SALL3: variants seen among roughly 807,000 people sequenced by gnomAD.
The protein encoded by SALL3 is spalt like transcription factor 3, also known as sal-like protein 3.
Under a neutral mutation model 66.2 loss-of-function variants are expected in SALL3, and 25 were observed. The ratio of observed to expected loss-of-function variants is 0.38; its 90% CI spans 0.28 to 0.53. SALL3 has a LOEUF of 0.53. Among genes scored for constraint, SALL3 ranks in the 20% least tolerant of loss-of-function variants. SALL3 has a pLI of 0.85. For missense variants in SALL3, 2,194 were observed against 1,916.5 expected (o/e 1.14, Z -2.70); for synonymous variants, 1,152 against 899.1 (o/e 1.28, Z -5.03).
At position 78,995,284 on chromosome 18, in the gene SALL3, T is replaced by A; in HGVS notation, c.3293T>A (p.Leu1098Gln). The change falls in exon 2 of 3, where the codon CTG (leucine) becomes CAG (glutamine). Residue 1098 changes from leucine (L) to glutamine (Q), a missense_variant. Leu to Gln is a moderately radical substitution (Grantham distance 113). Coordinates refer to ENST00000537592, the MANE Select transcript of SALL3 (RefSeq NM_171999.4). ...AGPQTVMGPG[L>Q]APMLAPPPRR... ...CCTCAGACAGTGATGGGCCCGGGCC[T>A]GGCGCCCATGCTGGCCCCCCCACCG... The A allele has an allele frequency of 6.3e-7, 1 of 1,583,356 alleles. No homozygotes were observed. The highest frequency in any genetic ancestry group is 8.5e-7 in the Non-Finnish European group (1 of 1,170,114).
intron 1 of SALL3, among the ~76,000 whole-genome samples, chr18:78,985,755 A>G (rs895789050): frequency 6.6e-6 from 1 of 152,116 alleles, no homozygotes; most frequent in Non-Finnish European, 1.5e-5. Flanking sequence ...GGTTTTGCGT[A>G]TTTATTTCTA....
At position 78,994,986 on chromosome 18, in the gene SALL3, C is replaced by T. The variant is rs762571991; in HGVS notation, c.2995C>T (p.His999Tyr). 3.1e-6 allele frequency: 5 copies of T among 1,613,874 alleles called. No homozygotes were observed. Among genetic ancestry groups the T allele is most frequent in the Non-Finnish European group, 2.5e-6 (3 of 1,180,016 alleles). ...CGCGTTGGAAATCCACTACCGCAGCCATACTAAGGAGCGGCCATTCGTCTG... is the reference window on the plus strand; with the variant it reads ...CGCGTTGGAAATCCACTACCGCAGCTATACTAAGGAGCGGCCATTCGTCTG... ...KSALEIHYRS[H>Y]TKERPFVCAL... The change falls in exon 2 of 3, where the codon CAT (histidine) becomes TAT (tyrosine). Residue 999 changes from histidine to tyrosine, a missense_variant. His to Tyr is a moderately conservative substitution (Grantham distance 83, BLOSUM62 2). Transcript: ENST00000537592.
intron 1 of SALL3, among the ~76,000 whole-genome samples, chr18:78,987,277 G>A (rs1034411734): frequency 1.3e-5 from 2 of 152,194 alleles, no homozygotes; most frequent in African/African-American, 2.4e-5. Context: ...AAAGCTGAGC[G>A]AAGACCAAAA....
At chr18:78,991,957 GA>G in intron 1 of SALL3, 116 bp from the exon 2 acceptor site, 1 of 818,772 alleles carries the variant, frequency 1.2e-6, no homozygotes, top group Non-Finnish European at 1.8e-6. Flanking sequence ...TGGGACGTCA[GA>G]AATGTCGAAG....
rs1914504503 is a variant in SALL3 at position 78,992,857 on chromosome 18, C to T, written c.866C>T (p.Ala289Val). The change falls in exon 2 of 3, where the codon GCG becomes GTG. Residue 289 changes from alanine (A) to valine (V), a missense_variant. Coordinates refer to ENST00000537592, the MANE Select transcript of SALL3 (RefSeq NM_171999.4). The part of the protein sequence containing the change: ...GPAAPAAFEG[A>V]QPLSRPESGA... ...GCCGCCCCGGCCGCCTTCGAGGGCG[C>T]GCAGCCGCTGTCCCGGCCCGAGTCT... The T allele has an allele frequency of 2.0e-6, 2 of 982,902 alleles. No individual in the cohort carries two copies. Among genetic ancestry groups the T allele is most frequent in the Middle Eastern group, 5.2e-4 (1 of 1,912 alleles). 60.9% of individuals were successfully genotyped at this position (982,902 alleles called of 1,614,324 possible). A position where few individuals can be genotyped will look rare whatever the true frequency, so the allele number is the denominator to read the frequency against.
At position 78,994,850 on chromosome 18, in the gene SALL3, C is replaced by T. The variant is rs1382337612; in HGVS notation, c.2859C>T (p.Arg953=). 4 of 1,600,104 alleles carry T rather than the reference C, an allele frequency of 2.5e-6. No homozygotes were observed. Among genetic ancestry groups the T allele is most frequent in the South Asian group, 1.1e-5 (1 of 89,922 alleles). Residue 953 remains arginine (R), a synonymous_variant, in exon 2 of 3, where the codon CGC becomes CGT. Coordinates refer to ENST00000537592, the MANE Select transcript of SALL3 (RefSeq NM_171999.4). ...AAPGSGGAPG[R]AGIKEEAPFS... ...CGGGCAGCGGAGGCGCCCCTGGCCG[C>T]GCGGGCATCAAGGAGGAGGCGCCCT...
Position 78,994,467 on chromosome 18 carries a change from G to T in SALL3, c.2476G>T (p.Ala826Ser), listed in dbSNP as rs1054634614. The T allele has an allele frequency of 2.5e-6, 4 of 1,612,164 alleles. No individual in the cohort carries two copies. The highest frequency in any genetic ancestry group is 3.4e-6 in the Non-Finnish European group (4 of 1,179,504). The change falls in exon 2 of 3, where the codon GCG becomes TCG. Residue 826 changes from alanine (A) to serine (S), a missense_variant. Ala to Ser is a moderately conservative substitution (Grantham distance 99). Transcript: ENST00000537592. ...CCCGGCCAAGCCACTCCTGTCCTAC[G>T]CGGGGTCCTGCCCGCCCTCCCCGCC... ...TDPAKPLLSY[A>S]GSCPPSPPSV...
chr18:78,981,409 T>C (rs954473802), intron 1 of SALL3, among the ~76,000 whole-genome samples: 5 of 152,206 alleles, frequency 3.3e-5, no homozygotes, highest in African/African-American at 1.2e-4. Flanking sequence ...CCAACTTTTA[T>C]GATTGACCTG....
In SALL3 at chr18:78,993,172, T is replaced by G. The variant is rs1914532589; in HGVS notation, c.1181T>G (p.Met394Arg). The change falls in exon 2 of 3, where the codon ATG (methionine) becomes AGG (arginine). Residue 394 changes from methionine (M) to arginine (R), a missense_variant. Met to Arg is a moderately conservative substitution (Grantham distance 91). Transcript: ENST00000537592. The part of the protein sequence containing the change: ...ANALDPLSAL[M>R]KHRKGKPPNV... ...GCTCTGGACCCGCTGTCCGCGCTCA[T>G]GAAGCACCGCAAGGGCAAGCCGCCC... 1 of 1,609,360 alleles carries G rather than the reference T, an allele frequency of 6.2e-7. No individual in the cohort carries two copies. The highest frequency in any genetic ancestry group is 1.1e-5 in the South Asian group (1 of 90,530).
intron 1 of SALL3, among the ~76,000 whole-genome samples, chr18:78,981,483 G>C (rs1287985176): frequency 6.6e-6 from 1 of 152,252 alleles, no homozygotes; most frequent in Non-Finnish European, 1.5e-5. Flanking sequence ...CTGCGAAAAG[G>C]AAACGGGGCG....
chr18:78,986,419 T>G lies in SALL3; in HGVS notation c.83-5655T>G, dbSNP rs1459081893. On this transcript the variant is annotated intron_variant, in intron 1 of 2. Coordinates refer to ENST00000537592, the MANE Select transcript of SALL3 (RefSeq NM_171999.4). ...AGGTCTCGGGAAAAGGACAGAAAATTTTTCTATTGCGTCTGGAATTTCTTC... is the reference window on the plus strand; with the variant it reads ...AGGTCTCGGGAAAAGGACAGAAAATGTTTCTATTGCGTCTGGAATTTCTTC... 2.6e-5 allele frequency among the ~76,000 whole-genome samples: 4 copies of G among 152,138 alleles called. No homozygotes were observed. In the East Asian group the frequency reaches 7.7e-4, roughly 29 times the overall value.
rs774817632 is a variant in SALL3, at chr18:78,994,631, G to A, written c.2640G>A (p.Ser880=). ...GTGACCGCCTGAGCAACGACTCCTC[G>A]TCGGCCGTGGGCGACCTGGAGAGCC... ...GESDRLSNDS[S]SAVGDLESRS... The change falls in exon 2 of 3, where the codon TCG becomes TCA. Residue 880 remains serine (S), a synonymous_variant. Coordinates refer to ENST00000537592, the MANE Select transcript of SALL3 (RefSeq NM_171999.4). 1 of 1,608,750 alleles carries A rather than the reference G, an allele frequency of 6.2e-7. No individual in the cohort carries two copies. The highest frequency in any genetic ancestry group is 8.5e-7 in the Non-Finnish European group (1 of 1,177,696).
chr18:78,997,349 C>T lies in SALL3; in HGVS notation c.*27C>T. ...CAGTGACTCGCTCATCTGCCCTGCC[C>T]AGGCCCACGTTTTGAAGTTGGAGCA... On this transcript the variant is annotated 3_prime_UTR_variant, in exon 3 of 3. Coordinates refer to ENST00000537592, the MANE Select transcript of SALL3 (RefSeq NM_171999.4). 1.3e-6 allele frequency: 2 copies of T among 1,592,554 alleles called. No homozygotes were observed. Among genetic ancestry groups the T allele is most frequent in the Non-Finnish European group, 1.7e-6 (2 of 1,165,742 alleles).
At position 78,980,036 on chromosome 18, in the gene SALL3, G is replaced by A. The variant is rs1300119402; in HGVS notation, c.-239G>A. Among the ~76,000 whole-genome samples, 2 of 145,994 alleles carry A rather than the reference G, an allele frequency of 1.4e-5. No homozygotes were observed. Among genetic ancestry groups the A allele is most frequent in the Non-Finnish European group, 3.0e-5 (2 of 65,706 alleles). On this transcript the variant is annotated 5_prime_UTR_variant, in exon 1 of 3. Coordinates refer to ENST00000537592, the MANE Select transcript of SALL3 (RefSeq NM_171999.4). ...CCTCGTCGGCGCGGCCGCTAATTGC[G>A]AGCGCGGCCTCATTTGCATAGGCCG...
chr18:78,993,986 G>T lies in SALL3; in HGVS notation c.1995G>T (p.Gln665His), dbSNP rs781017802. Residue 665 changes from glutamine to histidine, a missense_variant, in exon 2 of 3, where the codon CAG becomes CAT. Physicochemically the swap from Gln to His is conservative, Grantham distance 24 (BLOSUM62 0). Coordinates refer to ENST00000537592, the MANE Select transcript of SALL3 (RefSeq NM_171999.4). Reference sequence around the variant, plus strand: ...AAACGTCGGAAACCTCGAAGCTGCAGCAGCTGGTGGAGAACATCGACAAGA... The same window carrying T: ...AAACGTCGGAAACCTCGAAGCTGCATCAGCTGGTGGAGAACATCGACAAGA... ...SMQTSETSKLQQLVENIDKKM... is the reference protein window; with the variant it reads ...SMQTSETSKLHQLVENIDKKM... 8.7e-6 allele frequency: 14 copies of T among 1,612,118 alleles called. No homozygotes were observed. The highest frequency in any genetic ancestry group is 1.3e-5 in the African/African-American group (1 of 74,928).
chr18:78,993,844 GCGCTGCACCCACATCGGTGGA>G lies in SALL3; in HGVS notation c.1856_1876del (p.Ala619_Asp625del). ...GACGCTCCCGTGGGCGCGCAGGCTA[GCGCTGCACCCACATCGGTGGA>G]CGGCGCACCCACGAGCCTCGGCAGC... On this transcript the variant is annotated inframe_deletion, in exon 2 of 3. Transcript: ENST00000537592. 6.4e-7 allele frequency: 1 copy of G among 1,560,832 alleles called. No individual in the cohort carries two copies. The highest frequency in any genetic ancestry group is 8.7e-7 in the Non-Finnish European group (1 of 1,155,158).
Position 78,996,978 on chromosome 18 carries a change from G to T in SALL3, c.3559G>T (p.Gly1187Cys). ...SVENPMALLG[G>C]DALKFSEMFQ... ...GGAGAACCCCATGGCTCTCCTAGGGGGTGATGCCCTGAAGTTCTCTGAAAT... is the reference window on the plus strand; with the variant it reads ...GGAGAACCCCATGGCTCTCCTAGGGTGTGATGCCCTGAAGTTCTCTGAAAT... The change falls in exon 3 of 3, where the codon GGT becomes TGT. Residue 1187 changes from glycine (G) to cysteine (C), a missense_variant. By Grantham distance (159) the Gly-to-Cys change is radical (BLOSUM62 -3). Coordinates refer to ENST00000537592, the MANE Select transcript of SALL3 (RefSeq NM_171999.4). The T allele has an allele frequency of 6.2e-7, 1 of 1,614,036 alleles. No individual in the cohort carries two copies. The highest frequency in any genetic ancestry group is 8.5e-7 in the Non-Finnish European group (1 of 1,180,030).
Position 78,980,042 on chromosome 18 carries a change from G to A in SALL3, c.-233G>A, listed in dbSNP as rs1913943332. Among the ~76,000 whole-genome samples, 3 of 146,160 alleles carry A rather than the reference G, an allele frequency of 2.1e-5. No homozygotes were observed. The highest frequency in any genetic ancestry group is 1.4e-4 in the Admixed American group (2 of 14,780). The stretch of plus-strand genomic sequence containing the variant: ...CGGCGCGGCCGCTAATTGCGAGCGC[G>A]GCCTCATTTGCATAGGCCGCCGGAG... On this transcript the variant is annotated 5_prime_UTR_variant, in exon 1 of 3. Coordinates refer to ENST00000537592, the MANE Select transcript of SALL3 (RefSeq NM_171999.4).
At chr18:78,991,804 G>A in intron 1 of SALL3, 1 of 404,568 alleles carries the variant, frequency 2.5e-6, no homozygotes, top group Non-Finnish European at 4.4e-6. Flanking sequence ...GGTAGCCGCA[G>A]ATTGTATGAA....
Sources: allele counts gnomAD v4.1 joint callset (sites outside exome capture counted in the v4.1 genomes callset), GRCh38; gene constraint gnomAD v4.1.1; transcripts MANE v1.5; gene names NCBI Gene and HGNC (gene_info 2026-07-23, HGNC 2026-07-21).